Variants in LRSAM1 observed in about 807,000 individuals in gnomAD.
LRSAM1 encodes the protein leucine rich repeat and sterile alpha motif containing 1, also known as E3 ubiquitin-protein ligase LRSAM1.
A neutral mutation model predicts 118.1 loss-of-function variants in LRSAM1; 96 were observed. That is an observed-to-expected ratio of 0.81 (90% CI 0.69 to 0.96). LRSAM1 has a LOEUF of 0.96. LRSAM1 is among the 40% of genes least tolerant of loss of function. The pLI, the probability that LRSAM1 is intolerant of heterozygous loss-of-function variation, is 0.00. For synonymous variants in LRSAM1, 322 were observed against 364.2 expected, an observed-to-expected ratio of 0.88 and a Z score of 1.32; for missense variants, 804 against 915.5, an observed-to-expected ratio of 0.88 and a Z score of 1.57.
intron 10 of LRSAM1, among the ~76,000 whole-genome samples, chr9:127,469,766 A>G (rs1835096770): frequency 6.6e-6 from 1 of 152,170 alleles, no homozygotes; most frequent in South Asian, 2.1e-4. Context: ...GATTGAGACC[A>G]TCCTGACTAA....
Position 127,501,678 on chromosome 9 carries a change from G to T in LRSAM1, c.2046+535G>T, listed in dbSNP as rs562049225. Among the ~76,000 whole-genome samples, 135 of 152,300 alleles carry T rather than the reference G, an allele frequency of 8.9e-4. 1 individual carries two copies. The highest frequency in any genetic ancestry group is 3.0e-3 in the African/African-American group (123 of 41,564). On this transcript the variant is annotated intron_variant, in intron 25 of 25. Transcript: ENST00000300417. ...ACCCGGGAGGCAGAGATTGCAGTGAGCCAAGATCCCACCACTGCACTCCAG... is the reference window on the plus strand; with the variant it reads ...ACCCGGGAGGCAGAGATTGCAGTGATCCAAGATCCCACCACTGCACTCCAG...
intron 20 of LRSAM1, among the ~76,000 whole-genome samples, chr9:127,492,347 A>G (rs1835962264): frequency 6.6e-6 from 1 of 152,142 alleles, no homozygotes; most frequent in African/African-American, 2.4e-5. Context: ...CCCTGCCCAC[A>G]AGTGTGGCAG....
chr9:127,499,407 C>T (rs1006309255), intron 24 of LRSAM1, among the ~76,000 whole-genome samples: 3 of 151,664 alleles, frequency 2.0e-5, no homozygotes, highest in African/African-American at 7.3e-5. Context: ...ATTAGCAAGG[C>T]GTCATCCCAG....
intron 18 of LRSAM1, among the ~76,000 whole-genome samples, chr9:127,488,772 G>A (rs1358195078): frequency 1.3e-5 from 2 of 150,766 alleles, no homozygotes; most frequent in Non-Finnish European, 3.0e-5. Context: ...TTTATTTTTT[G>A]TAGAGACAGA....
intron 3 of LRSAM1, 56 bp downstream of exon 3, chr9:127,454,655 G>A: frequency 1.3e-6 from 2 of 1,561,284 alleles, no homozygotes; most frequent in Non-Finnish European, 1.8e-6. Flanking sequence ...GGTCCCCATG[G>A]AGTAGGCCTC....
Position 127,485,244 on chromosome 9 carries a change from C to T in LRSAM1, c.1160-492C>T, listed in dbSNP as rs1835686350. ...ATTCAGTGTTTTACAATTAGCCTTC[C>T]AAGCATACGTTGCTTTTATAGTTAA... On this transcript the variant is annotated intron_variant, in intron 16 of 25. Transcript: ENST00000300417. Among the ~76,000 whole-genome samples the T allele has an allele frequency of 3.3e-5, 5 of 152,244 alleles. No individual in the cohort carries two copies. The South Asian group carries it at 1.0e-3, about 32-fold the overall frequency.
At chr9:127,491,076 C>G (rs1835915671) in intron 19 of LRSAM1, 139 bp from the exon 20 acceptor site, 1 of 757,194 alleles carries the variant, frequency 1.3e-6, no homozygotes. Flanking sequence ...CCCAGGCCCG[C>G]AGGTTCCCCT....
At chr9:127,486,105 C>T (rs1184849691) in intron 17 of LRSAM1, among the ~76,000 whole-genome samples, 2 of 152,236 alleles carry the variant, frequency 1.3e-5, no homozygotes, top group African/African-American at 2.4e-5. Flanking sequence ...GAACCACATT[C>T]GCTGATTGAT....
chr9:127,488,835 C>T (rs1185306017), intron 18 of LRSAM1, among the ~76,000 whole-genome samples: 1 of 152,060 alleles, frequency 6.6e-6, no homozygotes, highest in Non-Finnish European at 1.5e-5. Context: ...AAGCAATCCT[C>T]CTGCCTCGGC....
In LRSAM1 at chr9:127,479,884, C is replaced by A. The variant is rs747458729; in HGVS notation, c.949C>A (p.Leu317Ile). ...EQGLSEHQRH[L>I]NAERQRLQEQ... is the part of the protein sequence containing the mutation. ...GGGCCTGAGTGAGCACCAGCGCCAC[C>A]TCAACGCAGAGCGGCAGCGGCTGCA... is the stretch of plus-strand genomic sequence containing the variant. Residue 317 changes from leucine (L) to isoleucine (I), a missense_variant, in exon 14 of 26, where the codon CTC (leucine) becomes ATC (isoleucine). Transcript: ENST00000300417. 6 of 1,612,566 alleles carry A rather than the reference C, an allele frequency of 3.7e-6. No homozygotes were observed. The highest frequency in any genetic ancestry group is 5.1e-6 in the Non-Finnish European group (6 of 1,178,818).
At chr9:127,466,505 T>TATATATATATATATATATA (rs61032058) in intron 9 of LRSAM1, among the ~76,000 whole-genome samples, 7 of 18,980 alleles carry the variant, frequency 3.7e-4, no homozygotes, top group East Asian at 1.3e-3. Flanking sequence ...TATATATATA[T>TATATATATATATATATATA]TTTTTTTTTT....
chr9:127,480,911 T>G (rs1030483607), intron 14 of LRSAM1, among the ~76,000 whole-genome samples: 1 of 152,184 alleles, frequency 6.6e-6, no homozygotes, highest in Non-Finnish European at 1.5e-5. Flanking sequence ...ACTCCTGACC[T>G]CAAGTGATCT....
chr9:127,499,944 T>C (rs1836313484), intron 24 of LRSAM1, among the ~76,000 whole-genome samples: 1 of 151,572 alleles, frequency 6.6e-6, no homozygotes, highest in Non-Finnish European at 1.5e-5. Context: ...AGAAAAACTT[T>C]AGTTTTTCCT....
chr9:127,461,537 G>C (rs1834746574), intron 8 of LRSAM1, among the ~76,000 whole-genome samples: 1 of 152,232 alleles, frequency 6.6e-6, no homozygotes, highest in Admixed American at 6.5e-5. Flanking sequence ...ATTTATAATG[G>C]TGAGTGTAGA....
intron 15 of LRSAM1, 106 bp from the exon 16 acceptor site, chr9:127,482,844 G>C (rs1330786836): frequency 1.9e-6 from 2 of 1,038,542 alleles, no homozygotes; most frequent in Non-Finnish European, 2.9e-6. Context: ...TCTAGGTGTA[G>C]GTTGCCAAAT....
Position 127,479,896 on chromosome 9 carries a change from C to G in LRSAM1, c.961C>G (p.Arg321Gly), listed in dbSNP as rs780605033. Reference protein sequence around the residue: ...SEHQRHLNAERQRLQEQLKQT... With the variant: ...SEHQRHLNAEGQRLQEQLKQT... ...GCACCAGCGCCACCTCAACGCAGAG[C>G]GGCAGCGGCTGCAGGAGCAGCTGAA... Residue 321 changes from arginine to glycine, a missense_variant, in exon 14 of 26, where the codon CGG (arginine) becomes GGG (glycine). Arg to Gly is a moderately radical substitution (Grantham distance 125, BLOSUM62 -2). Transcript: ENST00000300417. The G allele has an allele frequency of 6.2e-7, 1 of 1,611,756 alleles. No homozygotes were observed. The highest frequency in any genetic ancestry group is 2.2e-5 in the East Asian group (1 of 44,856).
chr9:127,502,874 G>C lies in LRSAM1; in HGVS notation c.2147G>C (p.Arg716Pro). Residue 716 changes from arginine (R) to proline (P), a missense_variant, in exon 26 of 26, where the codon CGC becomes CCC. By Grantham distance (103) the Arg-to-Pro change is moderately radical. Transcript: ENST00000300417. Reference protein sequence around the residue: ...CPLCRQDIAQRLRIYHSS With the variant: ...CPLCRQDIAQPLRIYHSS Reference sequence around the variant, plus strand: ...CTGTGCCGCCAGGACATCGCCCAGCGCCTCCGCATCTACCACAGCAGCTGA... The same window carrying C: ...CTGTGCCGCCAGGACATCGCCCAGCCCCTCCGCATCTACCACAGCAGCTGA... 6.2e-7 allele frequency: 1 copy of C among 1,606,834 alleles called. No individual in the cohort carries two copies. The highest frequency in any genetic ancestry group is 1.3e-5 in the African/African-American group (1 of 74,828).
At chr9:127,492,773 G>A (rs772230684) in intron 20 of LRSAM1, 29 bp from the exon 21 acceptor site, 13 of 1,607,518 alleles carry the variant, frequency 8.1e-6, no homozygotes, top group South Asian at 7.7e-5. Context: ...GCCAGCTCAC[G>A]GTGGTGCGGG....
At chr9:127,484,017 A>G (rs936647702) in intron 16 of LRSAM1, among the ~76,000 whole-genome samples, 1 of 152,134 alleles carries the variant, frequency 6.6e-6, no homozygotes, top group African/African-American at 2.4e-5. Flanking sequence ...TGCCACCACC[A>G]TCCATCGCCA....
Sources: allele counts gnomAD v4.1 joint callset (sites outside exome capture counted in the v4.1 genomes callset), GRCh38; gene constraint gnomAD v4.1.1; transcripts MANE v1.5; gene names NCBI Gene and HGNC (gene_info 2026-07-23, HGNC 2026-07-21).